Variants in FBXO11 observed in about 807,000 individuals in gnomAD.
FBXO11 encodes F-box only protein 11.
A neutral mutation model predicts 117.0 loss-of-function variants in FBXO11; 13 were observed. The observed-to-expected ratio is 0.11, with a 90% CI of 0.07 to 0.18. FBXO11 has a LOEUF of 0.18. Among genes scored for constraint, FBXO11 ranks in the 10% least tolerant of loss-of-function variants. The pLI, the probability that FBXO11 is intolerant of heterozygous loss-of-function variation, is 1.00. For missense variants in FBXO11, 767 were observed against 1,164.4 expected, an observed-to-expected ratio of 0.66 and a Z score of 4.97; for synonymous variants, 490 against 380.5, an observed-to-expected ratio of 1.29 and a Z score of -3.35.
intron 1 of FBXO11, among the ~76,000 whole-genome samples, chr2:47,877,874 G>C (rs532355679): frequency 6.6e-6 from 1 of 152,264 alleles, no homozygotes; most frequent in Non-Finnish European, 1.5e-5. Context: ...TAGTAGAGAT[G>C]GGGTTTTACC....
chr2:47,826,414 G>A (rs530999459), intron 11 of FBXO11, among the ~76,000 whole-genome samples: 1 of 152,180 alleles, frequency 6.6e-6, no homozygotes, highest in South Asian at 2.1e-4. Flanking sequence ...TTTATCCAGA[G>A]GGCCCCACTT....
intron 1 of FBXO11, among the ~76,000 whole-genome samples, chr2:47,887,261 G>C (rs1442045932): frequency 6.6e-6 from 1 of 150,592 alleles, no homozygotes. Context: ...CTCCAGCCTG[G>C]GCAACAAGAG....
chr2:47,813,872 A>G lies in FBXO11; in HGVS notation c.2007-5T>C, dbSNP rs1670808531. 3 of 1,605,302 alleles carry G rather than the reference A, an allele frequency of 1.9e-6. No individual in the cohort carries two copies. Among genetic ancestry groups the G allele is most frequent in the Non-Finnish European group, 8.5e-7 (1 of 1,172,090 alleles). ...ATTTTGGGGTTGCTTCCAGTCCTGT[A>G]AACAGAATAGACAATAATACCATTT... On this transcript the variant is annotated splice_polypyrimidine_tract_variant and splice_region_variant and intron_variant, in intron 16 of 22. Transcript: ENST00000403359.
intron 1 of FBXO11, among the ~76,000 whole-genome samples, chr2:47,902,821 T>C (rs1014348860): frequency 6.6e-6 from 1 of 152,118 alleles, no homozygotes. Flanking sequence ...AGTCTCACTT[T>C]GATTCCCTAT....
intron 1 of FBXO11, among the ~76,000 whole-genome samples, chr2:47,896,716 C>A (rs1363949082): frequency 6.6e-6 from 1 of 152,254 alleles, no homozygotes; most frequent in South Asian, 2.1e-4. Flanking sequence ...CTTAAAAATG[C>A]AAATGTCTTT....
At chr2:47,843,582 A>T (rs1245428702) in intron 1 of FBXO11, among the ~76,000 whole-genome samples, 1 of 152,146 alleles carries the variant, frequency 6.6e-6, no homozygotes, top group African/African-American at 2.4e-5. Context: ...TTCATTATGT[A>T]ATGGCTTTCT....
chr2:47,900,693 TATACACACAC>T (rs1289330508), intron 1 of FBXO11, among the ~76,000 whole-genome samples: 1 of 106,688 alleles, frequency 9.4e-6, no homozygotes, highest in Non-Finnish European at 2.0e-5. Context: ...TACACACACG[TATACACACAC>T]GTGTATATAT....
chr2:47,806,935 CT>C lies in FBXO11; in HGVS notation c.*1182del. ...TCAGACAACATTATGATCTAATAAA[CT>C]TTATTTTTTAAAAATGACCATTTTT... On this transcript the variant is annotated 3_prime_UTR_variant, in exon 23 of 23. Coordinates refer to ENST00000403359, the MANE Select transcript of FBXO11 (RefSeq NM_001190274.2). 8.8e-7 allele frequency: 1 copy of C among 1,133,820 alleles called. No individual in the cohort carries two copies. Among genetic ancestry groups the C allele is most frequent in the Non-Finnish European group, 1.3e-6 (1 of 760,858 alleles). 70.2% of individuals were successfully genotyped at this position (1,133,820 alleles called of 1,614,324 possible).
intron 11 of FBXO11, among the ~76,000 whole-genome samples, chr2:47,828,593 A>C (rs1216685222): frequency 6.6e-6 from 1 of 150,838 alleles, no homozygotes; most frequent in Non-Finnish European, 1.5e-5. Context: ...TGGGTGACAG[A>C]GTGAGACTCT....
intron 11 of FBXO11, among the ~76,000 whole-genome samples, chr2:47,826,788 C>T (rs1016186541): frequency 6.6e-6 from 1 of 152,100 alleles, no homozygotes. Context: ...TTTTTTGACA[C>T]AGAGTCTCAC....
chr2:47,901,488 A>T (rs1356153390), intron 1 of FBXO11, among the ~76,000 whole-genome samples: 1 of 152,124 alleles, frequency 6.6e-6, no homozygotes, highest in South Asian at 2.1e-4. Context: ...AACTAATAAC[A>T]GTTATTAGAT....
chr2:47,828,105 A>T (rs1007349390), intron 11 of FBXO11, among the ~76,000 whole-genome samples: 2 of 152,040 alleles, frequency 1.3e-5, no homozygotes, highest in African/African-American at 4.8e-5. Flanking sequence ...TCAGCCTTCC[A>T]AGTAGCTAGG....
rs569042911 is a variant in FBXO11 at position 47,807,643 on chromosome 2, A to G, written c.*475T>C. On this transcript the variant is annotated 3_prime_UTR_variant, in exon 23 of 23. Transcript: ENST00000403359. ...TACATGAGATTAAAGCATTAAAATCATATTTCTCAATCTGAATACATGTTA... is the reference window on the plus strand; with the variant it reads ...TACATGAGATTAAAGCATTAAAATCGTATTTCTCAATCTGAATACATGTTA... 5 of 219,154 alleles carry G rather than the reference A, an allele frequency of 2.3e-5. No homozygotes were observed. Among genetic ancestry groups the G allele is most frequent in the Non-Finnish European group, 3.6e-5 (4 of 111,148 alleles). The allele number at this position is 219,154 out of a possible 1,614,324, so 13.6% of individuals were successfully genotyped here.
Position 47,847,536 on chromosome 2 carries a change from C to CT in FBXO11, c.233-7768dup, listed in dbSNP as rs532106542. Among the ~76,000 whole-genome samples, 130 of 152,004 alleles carry CT rather than the reference C, an allele frequency of 8.6e-4. 2 individuals are homozygous for CT. In the South Asian group the frequency reaches 9.5e-3, roughly 11 times the overall value. On this transcript the variant is annotated intron_variant, in intron 1 of 22. Transcript: ENST00000403359. ...CCAGCCTGGTCAACATGGTGAAACTCTGTCTCTACCAAAAATACAAAAATT... is the reference window on the plus strand; with the variant it reads ...CCAGCCTGGTCAACATGGTGAAACTCTTGTCTCTACCAAAAATACAAAAATT...
At position 47,823,088 on chromosome 2, in the gene FBXO11, T is replaced by A. The variant is rs189428901; in HGVS notation, c.1616+55A>T. The A allele has an allele frequency of 1.1e-3, 1,524 of 1,326,008 alleles. 22 individuals carry two copies. In the Admixed American group the frequency reaches 0.028, roughly 24 times the overall value. The allele number at this position is 1,326,008 out of a possible 1,614,324, so 82.1% of individuals were successfully genotyped here. ...GAGTTAAAGCTCAATATCTTGACTT[T>A]TAAGCAAACCTTGAAGTGAAAAAGT... On this transcript the variant is annotated intron_variant, in intron 12 of 22. Transcript: ENST00000403359.
intron 1 of FBXO11, among the ~76,000 whole-genome samples, chr2:47,840,012 C>T (rs1050594001): frequency 1.1e-4 from 16 of 151,724 alleles, no homozygotes; most frequent in Non-Finnish European, 1.5e-4. Flanking sequence ...GGCGCAATCT[C>T]GGCTCACTGC....
intron 1 of FBXO11, among the ~76,000 whole-genome samples, chr2:47,878,737 G>T (rs1676204273): frequency 6.6e-6 from 1 of 151,646 alleles, no homozygotes; most frequent in Admixed American, 6.6e-5. Context: ...CAGCATTTTG[G>T]GAGACAGAGA....
intron 1 of FBXO11, among the ~76,000 whole-genome samples, chr2:47,877,631 T>C (rs1459538235): frequency 1.3e-5 from 2 of 152,144 alleles, no homozygotes; most frequent in African/African-American, 4.8e-5. Flanking sequence ...TAACGATTTT[T>C]CATTTTCTCC....
chr2:47,847,426 T>A (rs1572837732), intron 1 of FBXO11, among the ~76,000 whole-genome samples: 1 of 151,940 alleles, frequency 6.6e-6, no homozygotes, highest in Admixed American at 6.6e-5. Context: ...TATAGTATCA[T>A]GGCTGGGTGT....
Sources: gnomAD v4.1 joint callset for allele counts (sites outside exome capture counted in the v4.1 genomes callset) on GRCh38, gnomAD v4.1.1 for gene constraint, MANE v1.5 for transcripts, NCBI Gene and HGNC (gene_info 2026-07-23, HGNC 2026-07-21) for gene names.